The following SEMA6D variants were observed in gnomAD, a reference collection of about 807,000 sequenced individuals.
SEMA6D encodes semaphorin 6D, also known as semaphorin-6D.
Under a neutral mutation model 106.6 loss-of-function variants are expected in SEMA6D, and 35 were observed. The ratio of observed to expected loss-of-function variants is 0.33; its 90% confidence interval spans 0.25 to 0.44. The LOEUF (loss-of-function observed/expected upper bound fraction) is 0.44. Among genes scored for constraint, SEMA6D ranks in the 20% least tolerant of loss-of-function variants. The pLI is 1.00. For synonymous variants in SEMA6D, 499 were observed against 487.7 expected (o/e 1.02, Z -0.31); for missense variants, 1,185 against 1,345.9 (o/e 0.88, Z 1.87).
intron 3 of SEMA6D, 37 bp downstream of exon 3, chr15:47,760,452 C>G (rs751989660): frequency 6.6e-7 from 1 of 1,519,380 alleles, no homozygotes; most frequent in Non-Finnish European, 9.1e-7. Flanking sequence ...GATTAAAATT[C>G]TTTTCTCTTG....
chr15:47,354,480 A>G (rs1396340155), intron 1 of SEMA6D, among the ~76,000 whole-genome samples: 2 of 142,754 alleles, frequency 1.4e-5, no homozygotes, highest in Non-Finnish European at 3.0e-5. Flanking sequence ...TAAGAATTCC[A>G]CAGAAAAAGA....
intron 1 of SEMA6D, among the ~76,000 whole-genome samples, chr15:47,379,974 C>G (rs1007434464): frequency 1.3e-5 from 2 of 152,106 alleles, no homozygotes; most frequent in African/African-American, 4.8e-5. Flanking sequence ...TCAGGCTGGT[C>G]TTGAACTCCG....
intron 4 of SEMA6D, among the ~76,000 whole-genome samples, chr15:47,609,936 A>G (rs950176365): frequency 6.6e-6 from 1 of 152,138 alleles, no homozygotes; most frequent in African/African-American, 2.4e-5. Context: ...TAGGTGCTGC[A>G]TGTGTGCTCT....
At chr15:47,256,656 C>T (rs560794974) in intron 1 of SEMA6D, among the ~76,000 whole-genome samples, 74 of 152,068 alleles carry the variant, frequency 4.9e-4, no homozygotes, top group African/African-American at 1.8e-3. Context: ...GTCAGGAGTT[C>T]GAGACCAGCC....
intron 4 of SEMA6D, among the ~76,000 whole-genome samples, chr15:47,622,201 CAAAAAAA>C (rs199839582): frequency 1.4e-4 from 9 of 62,798 alleles, no homozygotes; most frequent in Non-Finnish European, 2.2e-4. Context: ...GAAACCCAGC[CAAAAAAA>C]AAAAAAAAAA....
intron 4 of SEMA6D, among the ~76,000 whole-genome samples, chr15:47,637,535 A>G (rs1021679240): frequency 6.6e-6 from 1 of 152,206 alleles, no homozygotes; most frequent in African/African-American, 2.4e-5. Context: ...AGATTGGGGA[A>G]CATTTCACAC....
chr15:47,232,039 C>T (rs528262118), intron 1 of SEMA6D, among the ~76,000 whole-genome samples: 1 of 152,108 alleles, frequency 6.6e-6, no homozygotes, highest in South Asian at 2.1e-4. Context: ...CTGTAAACCA[C>T]TGATCTACTT....
chr15:47,350,416 A>G (rs978730651), intron 1 of SEMA6D, among the ~76,000 whole-genome samples: 2 of 152,182 alleles, frequency 1.3e-5, no homozygotes, highest in Admixed American at 6.5e-5. Flanking sequence ...TACTCAAGGT[A>G]TTCTGTTAGC....
chr15:47,536,273 T>A (rs2045159903), intron 3 of SEMA6D, among the ~76,000 whole-genome samples: 1 of 152,204 alleles, frequency 6.6e-6, no homozygotes, highest in Admixed American at 6.5e-5. Flanking sequence ...GGTGGTTACT[T>A]TGATTTTGTC....
chr15:47,549,428 C>A (rs1373295627), intron 3 of SEMA6D, among the ~76,000 whole-genome samples: 1 of 152,162 alleles, frequency 6.6e-6, no homozygotes. Context: ...CTTTCCCCAG[C>A]ACAGTCTGCT....
chr15:47,210,826 A>G (rs962646582), intron 1 of SEMA6D, among the ~76,000 whole-genome samples: 1 of 151,002 alleles, frequency 6.6e-6, no homozygotes, highest in African/African-American at 2.4e-5. Context: ...TGCGAAAATG[A>G]TGGTCCAGTT....
intron 1 of SEMA6D, among the ~76,000 whole-genome samples, chr15:47,228,351 CT>C (rs1411723486): frequency 1.3e-5 from 2 of 151,784 alleles, no homozygotes; most frequent in East Asian, 3.9e-4. Context: ...AAGTTTACTG[CT>C]TATTTCTTTC....
chr15:47,728,588 C>T (rs2079914114), intron 1 of SEMA6D, among the ~76,000 whole-genome samples: 1 of 152,194 alleles, frequency 6.6e-6, no homozygotes, highest in Admixed American at 6.5e-5. Flanking sequence ...AGTTTCCGAT[C>T]GCTGTTGTAA....
chr15:47,641,138 T>G (rs1216871778), intron 4 of SEMA6D, among the ~76,000 whole-genome samples: 1 of 152,230 alleles, frequency 6.6e-6, no homozygotes, highest in East Asian at 1.9e-4. Context: ...CAGTATCCAT[T>G]CCTCTCGCAT....
At chr15:47,759,665 G>T in intron 1 of SEMA6D, 80 bp from the exon 2 acceptor site, 1 of 668,858 alleles carries the variant, frequency 1.5e-6, no homozygotes, top group Non-Finnish European at 2.7e-6. Context: ...GGAGCTGATG[G>T]TGAAAACTGA....
chr15:47,516,789 C>A (rs1469839829), intron 3 of SEMA6D, among the ~76,000 whole-genome samples: 1 of 152,090 alleles, frequency 6.6e-6, no homozygotes, highest in East Asian at 1.9e-4. Context: ...TCATAATTAC[C>A]AAGTGCCAAA....
intron 1 of SEMA6D, among the ~76,000 whole-genome samples, chr15:47,221,113 A>G (rs2031160845): frequency 6.6e-6 from 1 of 152,156 alleles, no homozygotes; most frequent in Non-Finnish European, 1.5e-5. Context: ...TGTGGAACAC[A>G]TCCAAGCTCT....
rs143017018 is a variant in SEMA6D at position 47,514,002 on chromosome 15, G to A, written c.-87+43457G>A. ...GGGATGCAGCTCCGCCATAGAAACTGAGATTCTAGAGGGTGGAAAACTGTA... is the reference window on the plus strand; with the variant it reads ...GGGATGCAGCTCCGCCATAGAAACTAAGATTCTAGAGGGTGGAAAACTGTA... On this transcript the variant is annotated intron_variant, in intron 3 of 19. Transcript: ENST00000558014. Among the ~76,000 whole-genome samples, 771 of 152,306 alleles carry A rather than the reference G, an allele frequency of 5.1e-3. 16 individuals carry two copies. In the South Asian group the frequency reaches 0.055, roughly 11 times the overall value.
At chr15:47,583,354 G>A (rs1203930916) in intron 3 of SEMA6D, among the ~76,000 whole-genome samples, 1 of 152,210 alleles carries the variant, frequency 6.6e-6, no homozygotes, top group Non-Finnish European at 1.5e-5. Flanking sequence ...TGTAGCTGGA[G>A]AGGTTCTTTC....
Sources: allele counts gnomAD v4.1 joint callset (sites outside exome capture counted in the v4.1 genomes callset), GRCh38; gene constraint gnomAD v4.1.1; transcripts MANE v1.5; gene names NCBI Gene and HGNC (gene_info 2026-07-23, HGNC 2026-07-21).